Variants in GMDS observed in about 807,000 individuals in gnomAD.
GMDS encodes the protein GDP-mannose 4,6-dehydratase, also known as GDP-mannose 4,6 dehydratase.
GMDS carries 20 observed loss-of-function variants against 49.9 expected under a neutral mutation model. That is an observed-to-expected ratio of 0.40 (90% CI 0.28 to 0.58). GMDS has a LOEUF of 0.58. Ranked by LOEUF, GMDS falls within the 20% of genes least tolerant of loss-of-function variation. The pLI is 0.42. For synonymous variants in GMDS, 177 were observed against 178.6 expected (o/e 0.99, Z 0.07); for missense variants, 362 against 481.4 (o/e 0.75, Z 2.32).
intron 7 of GMDS, among the ~76,000 whole-genome samples, chr6:1,774,527 G>A (rs2113589958): frequency 1.3e-5 from 2 of 152,324 alleles, no homozygotes; most frequent in East Asian, 3.9e-4. Context: ...AAGTGGATTA[G>A]GGCCCATCAG....
chr6:1,719,218 G>A (rs538167597), intron 9 of GMDS, among the ~76,000 whole-genome samples: 56 of 152,240 alleles, frequency 3.7e-4, no homozygotes, highest in African/African-American at 1.3e-3. Flanking sequence ...GGCAGTTAAT[G>A]ACAAAAGGAG....
chr6:1,752,775 C>T (rs1348868181), intron 7 of GMDS, among the ~76,000 whole-genome samples: 1 of 152,172 alleles, frequency 6.6e-6, no homozygotes, highest in Non-Finnish European at 1.5e-5. Context: ...ATTCCATATC[C>T]AGCCAAAGTA....
chr6:1,701,175 G>A (rs1285835904), intron 9 of GMDS, among the ~76,000 whole-genome samples: 2 of 152,088 alleles, frequency 1.3e-5, no homozygotes, highest in African/African-American at 2.4e-5. Flanking sequence ...CCCTTAGCGT[G>A]GAGTACATCA....
At chr6:1,657,002 C>T (rs562921855) in intron 9 of GMDS, among the ~76,000 whole-genome samples, 72 of 152,278 alleles carry the variant, frequency 4.7e-4, no homozygotes, top group Non-Finnish European at 8.5e-4. Context: ...GGGGGCACAT[C>T]TCACCCAAGG....
At position 1,736,580 on chromosome 6, in the gene GMDS, C is replaced by T. The variant is rs1009177168; in HGVS notation, c.890+5888G>A. On this transcript the variant is annotated intron_variant, in intron 8 of 10. Transcript: ENST00000380815. ...CGATGAATGAAGGTGAGTTATATTT[C>T]CATCACTCAGTGTCACAGATTTTAC... Among the ~76,000 whole-genome samples, 4 of 152,272 alleles carry T rather than the reference C, an allele frequency of 2.6e-5. 1 individual carries two copies. The South Asian group carries it at 8.3e-4, about 32-fold the overall frequency.
intron 6 of GMDS, among the ~76,000 whole-genome samples, chr6:1,953,032 T>C (rs1000722078): frequency 1.3e-5 from 2 of 152,192 alleles, no homozygotes; most frequent in Non-Finnish European, 2.9e-5. Flanking sequence ...ACTTTCCTAA[T>C]GATCGAAAGA....
rs1184644908 is a variant in GMDS, at chr6:2,086,847, G to A, written c.345+28924C>T. Among the ~76,000 whole-genome samples the A allele has an allele frequency of 2.0e-5, 3 of 152,272 alleles. No homozygotes were observed. The East Asian group carries it at 5.8e-4, about 29-fold the overall frequency. ...CGACTATAATAGTTTTCCTTTTAGT[G>A]TATTATTGTTGCCATGTGTTTGCTG... On this transcript the variant is annotated intron_variant, in intron 4 of 10. Transcript: ENST00000380815.
intron 7 of GMDS, among the ~76,000 whole-genome samples, chr6:1,868,110 C>T (rs1758530307): frequency 6.6e-6 from 1 of 152,070 alleles, no homozygotes; most frequent in Non-Finnish European, 1.5e-5. Context: ...CTTCAGCCTC[C>T]TGAGTAGCTG....
chr6:1,673,487 T>C (rs1051023191), intron 9 of GMDS, among the ~76,000 whole-genome samples: 2 of 152,114 alleles, frequency 1.3e-5, no homozygotes, highest in Non-Finnish European at 2.9e-5. Flanking sequence ...CTTGCACAAT[T>C]TCCCCTATTA....
chr6:2,136,550 C>T (rs1166673889), intron 1 of GMDS, among the ~76,000 whole-genome samples: 1 of 152,074 alleles, frequency 6.6e-6, no homozygotes, highest in African/African-American at 2.4e-5. Context: ...AGTGAGACCC[C>T]ATCTCTACAA....
intron 1 of GMDS, among the ~76,000 whole-genome samples, chr6:2,126,014 G>A (rs1775412533): frequency 6.6e-6 from 1 of 152,024 alleles, no homozygotes; most frequent in South Asian, 2.1e-4. Context: ...ATTCTCAACT[G>A]GTTCTTAATA....
At chr6:1,802,927 G>A in intron 7 of GMDS, among the ~76,000 whole-genome samples, 1 of 152,134 alleles carries the variant, frequency 6.6e-6, no homozygotes, top group East Asian at 1.9e-4. Context: ...GCACTTCCTT[G>A]GAAGGTAAAA....
chr6:1,669,581 CT>C (rs1196159039), intron 9 of GMDS, among the ~76,000 whole-genome samples: 1 of 152,170 alleles, frequency 6.6e-6, no homozygotes, highest in African/African-American at 2.4e-5. Flanking sequence ...TTCACCGCAG[CT>C]CAGGCACCTC....
intron 4 of GMDS, among the ~76,000 whole-genome samples, chr6:2,110,242 C>T (rs184685907): frequency 1.6e-5 from 2 of 126,258 alleles, no homozygotes; most frequent in Admixed American, 8.9e-5. Flanking sequence ...CACCCACCCC[C>T]CTCCCTCAAT....
rs147523607 is a variant in GMDS at position 1,708,564 on chromosome 6, G to A, written c.987+17852C>T. Reference sequence around the variant, plus strand: ...GAGAGCCCCACTGCATCAGATAACTGGTGCATCAAATGGTTTAGATCTTGG... The same window carrying A: ...GAGAGCCCCACTGCATCAGATAACTAGTGCATCAAATGGTTTAGATCTTGG... On this transcript the variant is annotated intron_variant, in intron 9 of 10. Transcript: ENST00000380815. Among the ~76,000 whole-genome samples, 118 of 152,354 alleles carry A rather than the reference G, an allele frequency of 7.7e-4. 2 individuals are homozygous for A. In the East Asian group the frequency reaches 0.022, roughly 29 times the overall value.
intron 7 of GMDS, among the ~76,000 whole-genome samples, chr6:1,906,442 ATTAGATAT>A (rs1438521302): frequency 6.6e-6 from 1 of 152,256 alleles, no homozygotes; most frequent in Non-Finnish European, 1.5e-5. Flanking sequence ...CCTGGGTCAA[ATTAGATAT>A]TTGCACAATA....
chr6:2,185,891 C>A (rs1202303179), intron 1 of GMDS, among the ~76,000 whole-genome samples: 1 of 152,190 alleles, frequency 6.6e-6, no homozygotes, highest in Non-Finnish European at 1.5e-5. Context: ...ATTCAATCAA[C>A]TCATTATCTC....
chr6:1,703,728 A>T (rs2113371961), intron 9 of GMDS, among the ~76,000 whole-genome samples: 1 of 152,302 alleles, frequency 6.6e-6, no homozygotes, highest in East Asian at 1.9e-4. Context: ...AAAGCAGCCC[A>T]GGGCTGAGCT....
chr6:2,207,648 A>G (rs1014805652), intron 1 of GMDS, among the ~76,000 whole-genome samples: 1 of 152,006 alleles, frequency 6.6e-6, no homozygotes, highest in Non-Finnish European at 1.5e-5. Flanking sequence ...CCTAGCACCT[A>G]GCAGATGCTC....
Sources: allele counts gnomAD v4.1 joint callset (sites outside exome capture counted in the v4.1 genomes callset), GRCh38; gene constraint gnomAD v4.1.1; transcripts MANE v1.5; gene names NCBI Gene and HGNC (gene_info 2026-07-23, HGNC 2026-07-21).